Variants in ELP4 observed in about 807,000 individuals in gnomAD.
ELP4 encodes elongator acetyltransferase complex subunit 4, also known as elongator complex protein 4.
A neutral mutation model predicts 48.9 loss-of-function variants in ELP4; 51 were observed. That is an observed-to-expected ratio of 1.04 (90% CI 0.83 to 1.32). The LOEUF is 1.32. ELP4 is among the 40% of genes most tolerant of loss of function. The pLI, the probability that ELP4 is intolerant of heterozygous loss-of-function variation, is 0.00. For missense variants in ELP4, 519 were observed against 514.6 expected (o/e 1.01, Z -0.08); for synonymous variants, 210 against 189.2 (o/e 1.11, Z -0.90).
chr11:31,668,712 GTGTGTGTGTA>G (rs1419072694), intron 9 of ELP4, among the ~76,000 whole-genome samples: 2,436 of 145,420 alleles, frequency 0.017, 77 homozygotes, highest in African/African-American at 0.059. Context: ...GTGTGTGTGT[GTGTGTGTGTA>G]AGAACCCTGT....
intron 1 of ELP4, among the ~76,000 whole-genome samples, chr11:31,519,406 T>C (rs1049290887): frequency 6.6e-6 from 1 of 152,246 alleles, no homozygotes; most frequent in Non-Finnish European, 1.5e-5. Context: ...GTCTTGAGTA[T>C]TGAGTTAATT....
At chr11:31,702,377 G>A (rs984951588) in intron 9 of ELP4, among the ~76,000 whole-genome samples, 12 of 151,940 alleles carry the variant, frequency 7.9e-5, no homozygotes, top group Non-Finnish European at 1.3e-4. Flanking sequence ...ATTAAAACAT[G>A]TCAGGGAGAG....
chr11:31,789,912 C>CTTTTTTTTTTTTTTTTTTT lies in ELP4; in HGVS notation c.*6393_*6411dup. On this transcript the variant is annotated 3_prime_UTR_variant, in exon 10 of 10. Coordinates refer to ENST00000640961, the MANE Select transcript of ELP4 (RefSeq NM_019040.5). The stretch of plus-strand genomic sequence containing the variant: ...CTGAATTAACACAATATTTCCTTTC[C>CTTTTTTTTTTTTTTTTTTT]TTTTTTTTTTTTTTTTTTTTTTTAC... 2.9e-6 allele frequency: 3 copies of CTTTTTTTTTTTTTTTTTTT among 1,046,002 alleles called. No individual in the cohort carries two copies. The highest frequency in any genetic ancestry group is 2.6e-5 in the East Asian group (1 of 38,808). The allele number at this position is 1,046,002 out of a possible 1,614,324, so 64.8% of individuals were successfully genotyped here.
At chr11:31,751,728 C>T (rs943039164) in intron 9 of ELP4, among the ~76,000 whole-genome samples, 1 of 152,148 alleles carries the variant, frequency 6.6e-6, no homozygotes, top group Admixed American at 6.5e-5. Context: ...ATGTCTAAAA[C>T]TTAATTAATC....
At chr11:31,565,180 G>A (rs1355118706) in intron 3 of ELP4, among the ~76,000 whole-genome samples, 1 of 152,188 alleles carries the variant, frequency 6.6e-6, no homozygotes, top group Admixed American at 6.5e-5. Flanking sequence ...GTCTTCTTTT[G>A]AGAAGTGTCT....
chr11:31,644,575 A>G (rs1230976154), intron 7 of ELP4, among the ~76,000 whole-genome samples: 1 of 151,822 alleles, frequency 6.6e-6, no homozygotes, highest in Non-Finnish European at 1.5e-5. Flanking sequence ...TCCATAGTGT[A>G]TTCCTGCTAA....
intron 3 of ELP4, among the ~76,000 whole-genome samples, chr11:31,543,803 C>T (rs191068038): frequency 3.3e-5 from 5 of 152,160 alleles, no homozygotes; most frequent in East Asian, 3.9e-4. Flanking sequence ...AAGAAAAACA[C>T]GTTATCAATT....
chr11:31,633,756 T>C (rs1223144564), intron 7 of ELP4: 1 of 152,006 alleles, frequency 6.6e-6, no homozygotes, highest in Non-Finnish European at 1.5e-5. Flanking sequence ...CTGGTGAAAA[T>C]ACTACTACTT....
intron 9 of ELP4, among the ~76,000 whole-genome samples, chr11:31,685,524 T>A (rs926386055): frequency 6.6e-6 from 1 of 152,214 alleles, no homozygotes; most frequent in African/African-American, 2.4e-5. Flanking sequence ...TGTAGTGATT[T>A]ACATTTGTAA....
intron 9 of ELP4, among the ~76,000 whole-genome samples, chr11:31,671,771 G>A (rs1474715391): frequency 1.3e-5 from 2 of 152,162 alleles, no homozygotes; most frequent in South Asian, 2.1e-4. Context: ...AAAGACTGCA[G>A]CATCTCAAGG....
chr11:31,577,389 T>C (rs1342821051), intron 3 of ELP4, among the ~76,000 whole-genome samples: 2 of 152,152 alleles, frequency 1.3e-5, no homozygotes, highest in African/African-American at 2.4e-5. Flanking sequence ...CTTCTGAAAC[T>C]ATTCCAATCA....
chr11:31,627,869 C>G (rs1944779810), intron 6 of ELP4, among the ~76,000 whole-genome samples: 1 of 152,006 alleles, frequency 6.6e-6, no homozygotes, highest in South Asian at 2.1e-4. Context: ...AGAAGTATTT[C>G]TAAAGCACCA....
chr11:31,760,686 A>T (rs1489520517), intron 9 of ELP4, among the ~76,000 whole-genome samples: 1 of 152,220 alleles, frequency 6.6e-6, no homozygotes, highest in East Asian at 1.9e-4. Flanking sequence ...ACTTCCTGTA[A>T]CTGTACTTAG....
chr11:31,655,884 A>G (rs927539854), intron 9 of ELP4, among the ~76,000 whole-genome samples: 3 of 151,968 alleles, frequency 2.0e-5, no homozygotes, highest in Non-Finnish European at 4.4e-5. Flanking sequence ...TGTACTGGGG[A>G]AAAATGAGCA....
intron 7 of ELP4, among the ~76,000 whole-genome samples, chr11:31,643,584 T>C (rs1945142650): frequency 6.6e-6 from 1 of 151,902 alleles, no homozygotes; most frequent in African/African-American, 2.4e-5. Context: ...ATCTGAACCA[T>C]TTTTATTAGA....
intron 3 of ELP4, among the ~76,000 whole-genome samples, chr11:31,558,689 C>T (rs969058090): frequency 1.3e-5 from 2 of 152,078 alleles, no homozygotes; most frequent in Non-Finnish European, 1.5e-5. Flanking sequence ...TACCTTATTC[C>T]GGAGTTCCAA....
At chr11:31,539,092 G>A (rs1956551456) in intron 2 of ELP4, among the ~76,000 whole-genome samples, 1 of 152,146 alleles carries the variant, frequency 6.6e-6, no homozygotes, top group Non-Finnish European at 1.5e-5. Flanking sequence ...GTGTATGTAT[G>A]TGCAGGGGGT....
At chr11:31,563,532 T>C (rs538759874) in intron 3 of ELP4, among the ~76,000 whole-genome samples, 3 of 152,272 alleles carry the variant, frequency 2.0e-5, no homozygotes, top group East Asian at 3.9e-4. Context: ...GAAATAAATA[T>C]ACATAAATAC....
At chr11:31,585,028 G>A (rs1236090921) in intron 3 of ELP4, among the ~76,000 whole-genome samples, 1 of 151,842 alleles carries the variant, frequency 6.6e-6, no homozygotes, top group Non-Finnish European at 1.5e-5. Context: ...GGTATTTTAG[G>A]GTAAGATATC....
Sources: gnomAD v4.1 joint callset for allele counts (sites outside exome capture counted in the v4.1 genomes callset) on GRCh38, gnomAD v4.1.1 for gene constraint, MANE v1.5 for transcripts, NCBI Gene and HGNC (gene_info 2026-07-23, HGNC 2026-07-21) for gene names.